The following DSCAM variants were observed in gnomAD, a reference collection of about 807,000 sequenced individuals.
DSCAM encodes DS cell adhesion molecule, also known as cell adhesion molecule DSCAM.
A neutral mutation model predicts 217.7 loss-of-function variants in DSCAM; 47 were observed. The observed-to-expected ratio is 0.22, with a 90% CI of 0.17 to 0.28. The LOEUF (loss-of-function observed/expected upper bound fraction) is 0.28, where lower values mean the gene tolerates loss of function less well. Among genes scored for constraint, DSCAM ranks in the 10% least tolerant of loss-of-function variants. The pLI is 1.00. For missense variants in DSCAM, 2,080 were observed against 2,618.3 expected, an observed-to-expected ratio of 0.79 and a Z score of 4.49; for synonymous variants, 1,056 against 1,015.3, an observed-to-expected ratio of 1.04 and a Z score of -0.76.
intron 3 of DSCAM, among the ~76,000 whole-genome samples, chr21:40,579,954 T>C (rs1030483172): frequency 2.0e-5 from 3 of 152,164 alleles, no homozygotes; most frequent in African/African-American, 7.2e-5. Context: ...CAGCTGATGG[T>C]CAGGCCTCTC....
chr21:40,803,692 T>C (rs1406284598), intron 1 of DSCAM, among the ~76,000 whole-genome samples: 10 of 152,152 alleles, frequency 6.6e-5, no homozygotes, highest in Admixed American at 6.5e-4. Flanking sequence ...TAGAATATAC[T>C]GGCATTTATG....
chr21:40,358,402 A>G (rs1308261421), intron 4 of DSCAM, among the ~76,000 whole-genome samples: 2 of 152,184 alleles, frequency 1.3e-5, no homozygotes, highest in Non-Finnish European at 2.9e-5. Flanking sequence ...AACTATAAAA[A>G]CTTTTAGAAG....
Position 40,607,566 on chromosome 21 carries a change from G to A in DSCAM, c.508+85244C>T, listed in dbSNP as rs181941966. Among the ~76,000 whole-genome samples, 1,452 of 151,894 alleles carry A rather than the reference G, an allele frequency of 9.6e-3. 10 individuals carry two copies. The highest frequency in any genetic ancestry group is 0.026 in the Admixed American group (394 of 15,288). ...TGAATTGTACTGCCATAATTCCCACGTGTCATGGGAGGGGCCCGGTGGGAG... is the reference window on the plus strand; with the variant it reads ...TGAATTGTACTGCCATAATTCCCACATGTCATGGGAGGGGCCCGGTGGGAG... On this transcript the variant is annotated intron_variant, in intron 3 of 32. Coordinates refer to ENST00000400454, the MANE Select transcript of DSCAM (RefSeq NM_001389.5).
At chr21:40,251,786 T>C (rs2073307955) in intron 11 of DSCAM, among the ~76,000 whole-genome samples, 1 of 152,226 alleles carries the variant, frequency 6.6e-6, no homozygotes, top group Non-Finnish European at 1.5e-5. Context: ...TAAGCTCACA[T>C]GATATTATAA....
chr21:40,676,622 A>T (rs910327224), intron 3 of DSCAM, among the ~76,000 whole-genome samples: 4 of 152,196 alleles, frequency 2.6e-5, no homozygotes, highest in African/African-American at 9.7e-5. Context: ...TAGATTCAGC[A>T]TCAGAGGAAT....
chr21:40,654,285 G>C (rs1221419702), intron 3 of DSCAM, among the ~76,000 whole-genome samples: 1 of 152,108 alleles, frequency 6.6e-6, no homozygotes, highest in Non-Finnish European at 1.5e-5. Flanking sequence ...TTTATCAAGA[G>C]CATAGAAATG....
At chr21:40,178,741 C>G (rs964467870) in intron 15 of DSCAM, among the ~76,000 whole-genome samples, 186 bp downstream of exon 15, 4 of 152,218 alleles carry the variant, frequency 2.6e-5, no homozygotes, top group Non-Finnish European at 5.9e-5. Flanking sequence ...ATTTGAAGAG[C>G]AGTGCCTTCA....
chr21:40,611,093 G>C (rs935775200), intron 3 of DSCAM, among the ~76,000 whole-genome samples: 2 of 134,312 alleles, frequency 1.5e-5, no homozygotes, highest in African/African-American at 5.6e-5. Flanking sequence ...GAGACTCACC[G>C]TGTCGTCCAG....
intron 3 of DSCAM, among the ~76,000 whole-genome samples, chr21:40,472,868 T>A (rs2075900667): frequency 6.6e-6 from 1 of 152,188 alleles, no homozygotes; most frequent in South Asian, 2.1e-4. Context: ...TTAATGCACA[T>A]CACTGTGTGG....
chr21:40,753,772 G>T (rs2091250360), intron 1 of DSCAM, among the ~76,000 whole-genome samples: 1 of 152,084 alleles, frequency 6.6e-6, no homozygotes, highest in Admixed American at 6.5e-5. Flanking sequence ...GACATACAAA[G>T]GACAATTAGA....
chr21:40,357,146 G>A (rs1172189725), intron 4 of DSCAM, among the ~76,000 whole-genome samples: 1 of 152,142 alleles, frequency 6.6e-6, no homozygotes, highest in Non-Finnish European at 1.5e-5. Context: ...GGCTCCAGAA[G>A]GCAAGAGAGA....
chr21:40,196,142 G>A (rs936367535), intron 11 of DSCAM, among the ~76,000 whole-genome samples: 8 of 152,188 alleles, frequency 5.3e-5, no homozygotes, highest in East Asian at 3.9e-4. Flanking sequence ...AGGAACTGCC[G>A]CACCCTGGCC....
intron 3 of DSCAM, among the ~76,000 whole-genome samples, chr21:40,688,663 C>T (rs1039842242): frequency 1.3e-5 from 2 of 152,154 alleles, no homozygotes; most frequent in African/African-American, 4.8e-5. Context: ...CCTTGTGTGC[C>T]TGTCTCTGAA....
chr21:40,647,454 G>A (rs2089961394), intron 3 of DSCAM, among the ~76,000 whole-genome samples: 1 of 152,154 alleles, frequency 6.6e-6, no homozygotes, highest in African/African-American at 2.4e-5. Context: ...TGTAAGATTT[G>A]ATGAATTATG....
chr21:40,798,609 A>G (rs2091712189), intron 1 of DSCAM, among the ~76,000 whole-genome samples: 2 of 152,150 alleles, frequency 1.3e-5, no homozygotes, highest in African/African-American at 4.8e-5. Flanking sequence ...TAGCAGATAC[A>G]TACGATAAAC....
intron 11 of DSCAM, among the ~76,000 whole-genome samples, chr21:40,190,260 C>T (rs1018951388): frequency 2.0e-5 from 3 of 152,208 alleles, no homozygotes; most frequent in Non-Finnish European, 4.4e-5. Flanking sequence ...CCCAATTCCA[C>T]AAGCCACTTA....
chr21:40,466,492 CTCA>C (rs2145958862), intron 3 of DSCAM, among the ~76,000 whole-genome samples: 1 of 152,308 alleles, frequency 6.6e-6, no homozygotes, highest in East Asian at 1.9e-4. Context: ...TGCTTGAGTA[CTCA>C]CAGTGATGGG....
intron 20 of DSCAM, among the ~76,000 whole-genome samples, chr21:40,097,251 T>C (rs1453428949): frequency 6.6e-6 from 1 of 152,006 alleles, no homozygotes; most frequent in Non-Finnish European, 1.5e-5. Context: ...GCACAAATGT[T>C]GGGAGGAAAA....
chr21:40,685,555 G>C (rs147821774), intron 3 of DSCAM, among the ~76,000 whole-genome samples: 4 of 152,318 alleles, frequency 2.6e-5, no homozygotes, highest in Non-Finnish European at 5.9e-5. Context: ...CATTGCTGGA[G>C]AAATTAAGTG....
Sources: allele counts gnomAD v4.1 joint callset (sites outside exome capture counted in the v4.1 genomes callset), GRCh38; gene constraint gnomAD v4.1.1; transcripts MANE v1.5; gene names NCBI Gene and HGNC (gene_info 2026-07-23, HGNC 2026-07-21).